Variants in DOK7 observed in about 807,000 individuals in gnomAD.
DOK7 encodes the protein protein Dok-7.
In DOK7, 32 loss-of-function variants were observed where a neutral mutation model predicts 30.7. The observed-to-expected ratio is 1.04, with a 90% CI of 0.79 to 1.40. The LOEUF is 1.40. Among genes scored for constraint, DOK7 ranks in the 40% most tolerant of loss-of-function variants. The pLI, the probability that DOK7 is intolerant of heterozygous loss-of-function variation, is 0.00. For missense variants in DOK7, 1,007 were observed against 699.2 expected (o/e 1.44, Z -4.97); for synonymous variants, 447 against 324.1 (o/e 1.38, Z -4.07).
rs73793943 is a variant in DOK7 at position 3,492,433 on chromosome 4, G to C, written c.773-326G>C. Among the ~76,000 whole-genome samples the C allele has an allele frequency of 6.2e-4, 92 of 149,478 alleles. 1 individual carries two copies. Among genetic ancestry groups the C allele is most frequent in the Non-Finnish European group, 9.5e-4 (64 of 67,338 alleles). On this transcript the variant is annotated intron_variant, in intron 6 of 6. Coordinates refer to ENST00000340083, the MANE Select transcript of DOK7 (RefSeq NM_173660.5). ...GGGATGGCTGGGTATGGAGCGTGGGGTGTTAGGCAGGGAGGGTGGGGAGCT... is the reference window on the plus strand; with the variant it reads ...GGGATGGCTGGGTATGGAGCGTGGGCTGTTAGGCAGGGAGGGTGGGGAGCT...
At chr4:3,489,851 G>C in intron 6 of DOK7, 55 bp downstream of exon 6, 1 of 1,547,558 alleles carries the variant, frequency 6.5e-7, no homozygotes, top group Non-Finnish European at 8.7e-7. Context: ...TCCAGCAGGA[G>C]AGCTCAGGAG....
In DOK7 at chr4:3,490,111, C is replaced by CTCATTCATTCCTTTCTTCACCCCCTT. The variant is rs199921650; in HGVS notation, c.772+315_772+316insTCATTCATTCCTTTCTTCACCCCCTT. 4.1e-3 allele frequency among the ~76,000 whole-genome samples: 97 copies of CTCATTCATTCCTTTCTTCACCCCCTT among 23,806 alleles called. 4 individuals carry two copies. In the East Asian group the frequency reaches 0.055, roughly 13 times the overall value. The allele number at this position is 23,806 out of a possible 152,430, so 15.6% of individuals were successfully genotyped here. On this transcript the variant is annotated intron_variant, in intron 6 of 6. Coordinates refer to ENST00000340083, the MANE Select transcript of DOK7 (RefSeq NM_173660.5). The stretch of plus-strand genomic sequence containing the variant: ...CCTCATTCATTCCTTTCTTCACCCC[C>CTCATTCATTCCTTTCTTCACCCCCTT]ATTCATTCCTTTTCTCCCTGCTCAT...
chr4:3,465,777 C>T (rs56182711), intron 2 of DOK7, among the ~76,000 whole-genome samples: 9 of 152,130 alleles, frequency 5.9e-5, no homozygotes, highest in Non-Finnish European at 1.0e-4. Flanking sequence ...ATGTCTCCAC[C>T]GCGTCCTCAC....
At chr4:3,500,720 C>G (rs530653324) in exon 8 of DOK7, 5 of 1,534,572 alleles carry the variant, frequency 3.3e-6, no homozygotes, top group Non-Finnish European at 4.4e-6. Context: ...ACGCCCAGAT[C>G]GACATCATGG....
chr4:3,468,835 G>A (rs1309612874), intron 2 of DOK7, among the ~76,000 whole-genome samples: 3 of 150,896 alleles, frequency 2.0e-5, no homozygotes, highest in Non-Finnish European at 3.0e-5. Context: ...GAGTGTGTGT[G>A]TGCGTGTATG....
chr4:3,498,041 C>T (rs1049781511), downstream of DOK7, among the ~76,000 whole-genome samples: 7 of 152,072 alleles, frequency 4.6e-5, no homozygotes, highest in African/African-American at 1.4e-4. Flanking sequence ...CCACAGAGGC[C>T]GGGGGCTCAG....
rs555263972 is a variant in DOK7 at position 3,493,732 on chromosome 4, T to G, written c.*231T>G. ...GGGCTCTGGGTCCGGCAGGTCGGGG[T>G]CACCAGAGCCCCAATGCTCAGCTGC... On this transcript the variant is annotated 3_prime_UTR_variant, in exon 7 of 7. Transcript: ENST00000340083. The G allele has an allele frequency of 2.8e-6, 4 of 1,422,122 alleles. No individual in the cohort carries two copies. In the South Asian group the frequency reaches 4.6e-5, roughly 16 times the overall value. The allele number at this position is 1,422,122 out of a possible 1,614,324, so 88.1% of individuals were successfully genotyped here.
intron 6 of DOK7, among the ~76,000 whole-genome samples, chr4:3,490,522 C>CTTTT (rs1560227261): frequency 1.1e-5 from 1 of 87,082 alleles, no homozygotes; most frequent in Admixed American, 1.2e-4. Context: ...CTTTCCTTCA[C>CTTTT]CCCCCCGCTC....
intron 4 of DOK7, among the ~76,000 whole-genome samples, chr4:3,480,019 G>A (rs1489238833): frequency 1.3e-5 from 2 of 152,244 alleles, no homozygotes; most frequent in Admixed American, 1.3e-4. Flanking sequence ...TGTGCGTGGT[G>A]GAGAGTGATG....
At chr4:3,500,665 C>A in intron 7 of DOK7, 1 of 1,535,748 alleles carries the variant, frequency 6.5e-7, no homozygotes, top group Non-Finnish European at 8.7e-7. Context: ...GGGGCGCAGG[C>A]TGCCGCTCAC....
At chr4:3,491,271 A>G (rs1197900206) in intron 6 of DOK7, among the ~76,000 whole-genome samples, 2 of 62,482 alleles carry the variant, frequency 3.2e-5, no homozygotes, top group Admixed American at 5.0e-4. Context: ...TCATTCCTTC[A>G]TTCATTCCTT....
rs752449499 is a variant in DOK7, at chr4:3,492,780, G to A, written c.794G>A (p.Ser265Asn). 3.7e-6 allele frequency: 6 copies of A among 1,612,758 alleles called. No individual in the cohort carries two copies. Among genetic ancestry groups the A allele is most frequent in the South Asian group, 1.1e-5 (1 of 91,084 alleles). The change falls in exon 7 of 7, where the codon AGC (serine) becomes AAC (asparagine). Residue 265 changes from serine (S) to asparagine (N), a missense_variant. Transcript: ENST00000340083. Reference protein sequence around the residue: ...GSGGDDRSLSSSSSEASHLDV... With the variant: ...GSGGDDRSLSNSSSEASHLDV... The stretch of plus-strand genomic sequence containing the variant: ...TCAGGGGATGACCGCAGCCTGTCCA[G>A]CTCATCCTCAGAGGCCAGTCACTTG...
chr4:3,475,692 C>T (rs1727012969), intron 3 of DOK7, among the ~76,000 whole-genome samples: 1 of 152,156 alleles, frequency 6.6e-6, no homozygotes, highest in South Asian at 2.1e-4. Flanking sequence ...CCAGACTCTC[C>T]ACACCCGAAC....
chr4:3,490,138 C>A (rs1360274141), intron 6 of DOK7, among the ~76,000 whole-genome samples: 3 of 56,228 alleles, frequency 5.3e-5, no homozygotes, highest in African/African-American at 7.6e-5. Context: ...CCTGCTCATT[C>A]ATTCCTTCCT....
In DOK7 at chr4:3,493,468, CTG is replaced by C; in HGVS notation, c.1485_1486del (p.Cys495TrpfsTer23). The C allele has an allele frequency of 6.2e-7, 1 of 1,610,946 alleles. No individual in the cohort carries two copies. The highest frequency in any genetic ancestry group is 8.5e-7 in the Non-Finnish European group (1 of 1,179,252). On this transcript the variant is annotated frameshift_variant, in exon 7 of 7. Coordinates refer to ENST00000340083, the MANE Select transcript of DOK7 (RefSeq NM_173660.5). LOFTEE classifies it high-confidence loss of function. ...PPAFFSACPV[C>X]GGLKVNPPP ...CGGCTTTCTTTTCGGCATGTCCAGTCTGTGGAGGACTCAAGGTAAACCCCCCT... is the reference window on the plus strand; with the variant it reads ...CGGCTTTCTTTTCGGCATGTCCAGTCTGGAGGACTCAAGGTAAACCCCCCT...
intron 3 of DOK7, among the ~76,000 whole-genome samples, chr4:3,475,586 G>T (rs1231383086): frequency 1.3e-5 from 2 of 152,200 alleles, no homozygotes; most frequent in Non-Finnish European, 2.9e-5. Context: ...AGGACCATGG[G>T]GGTGCTCAGG....
At chr4:3,463,681 G>C in intron 2 of DOK7, 130 bp downstream of exon 2, 1 of 1,239,338 alleles carries the variant, frequency 8.1e-7, no homozygotes, top group Non-Finnish European at 1.1e-6. Context: ...AGAGCCCCGT[G>C]CGGACCCGGA....
chr4:3,487,264 C>T (rs114976581), intron 5 of DOK7, among the ~76,000 whole-genome samples: 3 of 152,136 alleles, frequency 2.0e-5, no homozygotes, highest in African/African-American at 4.8e-5. Flanking sequence ...GGCAGCACCC[C>T]ACCAGAGAAG....
Position 3,500,336 on chromosome 4 carries a change from C to T in DOK7, c.1194C>T (p.Ser398=), listed in dbSNP as rs1271630602. Residue 398 remains serine (S), a synonymous_variant, in exon 7 of 8, where the codon AGC becomes AGT. Transcript: ENST00000643608. ...CCACTTACGTGAACATCCCCGTCAG[C>T]CCATCCTCCAGAAAGCAGCTGCACT... 3.3e-6 allele frequency: 5 copies of T among 1,535,826 alleles called. No homozygotes were observed. In the African/African-American group the frequency reaches 6.8e-5, roughly 21 times the overall value.
Sources: allele counts gnomAD v4.1 joint callset (sites outside exome capture counted in the v4.1 genomes callset), GRCh38; gene constraint gnomAD v4.1.1; transcripts MANE v1.5; gene names NCBI Gene and HGNC (gene_info 2026-07-23, HGNC 2026-07-21).